The following PCLO variants were observed in gnomAD, a reference collection of about 807,000 sequenced individuals.
PCLO encodes the protein piccolo presynaptic cytomatrix protein, also known as protein piccolo.
In PCLO, 82 loss-of-function variants were observed where a neutral mutation model predicts 427.5. The ratio of observed to expected loss-of-function variants is 0.19; its 90% CI spans 0.16 to 0.23. PCLO has a LOEUF of 0.23. Among genes scored for constraint, PCLO ranks in the 10% least tolerant of loss-of-function variants. PCLO has a pLI of 1.00. For missense variants in PCLO, 6,239 were observed against 6,115.9 expected (o/e 1.02, Z -0.67); for synonymous variants, 2,357 against 2,155.4 (o/e 1.09, Z -2.59).
intron 3 of PCLO, among the ~76,000 whole-genome samples, chr7:83,030,119 GAAAA>G (rs199609017): frequency 3.8e-5 from 4 of 104,590 alleles, no homozygotes; most frequent in African/African-American, 1.3e-4. Flanking sequence ...AATAATAAAA[GAAAA>G]AAAAAAAAAA....
chr7:83,091,953 AGAG>A (rs1443508670), intron 3 of PCLO, among the ~76,000 whole-genome samples: 1 of 152,182 alleles, frequency 6.6e-6, no homozygotes, highest in African/African-American at 2.4e-5. Context: ...AACCACTTGA[AGAG>A]GTATGGAAGT....
intron 8 of PCLO, among the ~76,000 whole-genome samples, chr7:82,905,804 G>A (rs1794175551): frequency 1.3e-5 from 2 of 152,012 alleles, no homozygotes; most frequent in Non-Finnish European, 2.9e-5. Flanking sequence ...AGGAATTGCA[G>A]ATGATGTGAG....
intron 3 of PCLO, among the ~76,000 whole-genome samples, chr7:83,049,242 A>G (rs1378034855): frequency 6.6e-6 from 1 of 152,152 alleles, no homozygotes; most frequent in Non-Finnish European, 1.5e-5. Flanking sequence ...AATATATGAA[A>G]AATAAATCCA....
rs1788165082 is a variant in PCLO at position 83,050,733 on chromosome 7, T to A, written c.3300+83517A>T. The stretch of plus-strand genomic sequence containing the variant: ...CTGGCCAACAGGGTAAAAAACCCTA[T>A]CTCTACTAAAAATTAAAAAAAAAAA... On this transcript the variant is annotated intron_variant, in intron 3 of 24. Coordinates refer to ENST00000333891, the MANE Select transcript of PCLO (RefSeq NM_033026.6). Among the ~76,000 whole-genome samples the A allele has an allele frequency of 5.1e-5, 7 of 138,050 alleles. No homozygotes were observed. In the South Asian group the frequency reaches 1.7e-3, roughly 34 times the overall value. The allele number at this position is 138,050 out of a possible 152,430, so 90.6% of individuals were successfully genotyped here. A position where few individuals can be genotyped will look rare whatever the true frequency, so the allele number is the denominator to read the frequency against.
At chr7:82,943,488 C>T (rs1231390413) in intron 6 of PCLO, among the ~76,000 whole-genome samples, 1 of 151,840 alleles carries the variant, frequency 6.6e-6, no homozygotes, top group African/African-American at 2.4e-5. Flanking sequence ...ACTAAGAAAA[C>T]TCTTATACTT....
Position 82,954,304 on chromosome 7 carries a change from T to A in PCLO, c.6649A>T (p.Ile2217Leu), listed in dbSNP as rs757836198. ...TCCTCAGAATCTTCAAATTTAGTTATCATGTCCACTGGCTCTGTATAAACT... is the reference window on the plus strand; with the variant it reads ...TCCTCAGAATCTTCAAATTTAGTTAACATGTCCACTGGCTCTGTATAAACT... ...TTVYTEPVDM[I>L]TKFEDSEEIS... The change falls in exon 5 of 25, where the codon ATA (isoleucine) becomes TTA (leucine). Residue 2217 changes from isoleucine (I) to leucine (L), a missense_variant. Ile to Leu is a conservative substitution (Grantham distance 5). This residue lies in a region of PCLO where 4,677 missense variants were observed against 4,468.4 expected (regional missense o/e 1.05). Coordinates refer to ENST00000333891, the MANE Select transcript of PCLO (RefSeq NM_033026.6). 8 of 1,613,438 alleles carry A rather than the reference T, an allele frequency of 5.0e-6. No homozygotes were observed. In the Admixed American group the frequency reaches 1.0e-4, roughly 20 times the overall value.
chr7:82,881,961 A>G lies in PCLO; in HGVS notation c.13529-2499T>C, dbSNP rs575767780. ...GCCCAGCTGCTATTGTTTCTCATGTAGACAATTAAGTTGCATAAGAAGATC... is the reference window on the plus strand; with the variant it reads ...GCCCAGCTGCTATTGTTTCTCATGTGGACAATTAAGTTGCATAAGAAGATC... On this transcript the variant is annotated intron_variant, in intron 9 of 24. Coordinates refer to ENST00000333891, the MANE Select transcript of PCLO (RefSeq NM_033026.6). Among the ~76,000 whole-genome samples, 5 of 152,262 alleles carry G rather than the reference A, an allele frequency of 3.3e-5. No homozygotes were observed. In the South Asian group the frequency reaches 1.0e-3, roughly 32 times the overall value.
chr7:82,755,430 G>C lies in PCLO; in HGVS notation c.*3145C>G, dbSNP rs1583937983. On this transcript the variant is annotated 3_prime_UTR_variant, in exon 25 of 25. Transcript: ENST00000333891. ...CGTGCTACTAGGGTTATTTGTGTCT[G>C]TAATGACTATTCTATATTCCCTGTC... The C allele has an allele frequency of 6.6e-6, 1 of 152,048 alleles. No individual in the cohort carries two copies. The highest frequency in any genetic ancestry group is 1.9e-4 in the East Asian group (1 of 5,186). 9.4% of individuals were successfully genotyped at this position (152,048 alleles called of 1,614,324 possible).
At position 83,156,234 on chromosome 7, in the gene PCLO, T is replaced by G. The variant is rs1401154863; in HGVS notation, c.407A>C (p.Lys136Thr). The part of the protein sequence containing the change: ...PGRSPSTISL[K>T]ESKSRTDLKE... ...TAAATCAGTTCTGGACTTTGATTCT[T>G]TCAAGCTAATAGTGGAAGGACTCCT... Residue 136 changes from lysine (K) to threonine (T), a missense_variant, in exon 2 of 25, where the codon AAA becomes ACA. Transcript: ENST00000333891. 1 of 1,613,904 alleles carries G rather than the reference T, an allele frequency of 6.2e-7. No homozygotes were observed. Among genetic ancestry groups the G allele is most frequent in the East Asian group, 2.2e-5 (1 of 44,870 alleles).
intron 2 of PCLO, among the ~76,000 whole-genome samples, chr7:83,141,579 C>T (rs2116638598): frequency 6.6e-6 from 1 of 152,296 alleles, no homozygotes; most frequent in Admixed American, 6.5e-5. Flanking sequence ...CATTCTGAGG[C>T]CACTGTGTAT....
intron 3 of PCLO, among the ~76,000 whole-genome samples, chr7:83,055,102 A>C (rs1789347197): frequency 6.6e-6 from 1 of 152,118 alleles, no homozygotes; most frequent in African/African-American, 2.4e-5. Context: ...TCACTACAGG[A>C]AACAGCACGT....
chr7:83,013,872 T>C (rs1480405950), intron 3 of PCLO, among the ~76,000 whole-genome samples: 1 of 152,198 alleles, frequency 6.6e-6, no homozygotes, highest in African/African-American at 2.4e-5. Flanking sequence ...ATTCATATTA[T>C]GTGAAGTATT....
chr7:82,946,523 T>C (rs1226621175), intron 6 of PCLO, among the ~76,000 whole-genome samples: 1 of 152,124 alleles, frequency 6.6e-6, no homozygotes, highest in Non-Finnish European at 1.5e-5. Context: ...TTAAGAAAAG[T>C]CTCTCTGTGG....
intron 2 of PCLO, among the ~76,000 whole-genome samples, chr7:83,150,095 T>C (rs1241350486): frequency 6.6e-6 from 1 of 152,258 alleles, no homozygotes. Flanking sequence ...TCATTTATTA[T>C]GAAATTTAAT....
chr7:82,946,864 T>G (rs1441130663), intron 6 of PCLO, among the ~76,000 whole-genome samples: 1 of 152,192 alleles, frequency 6.6e-6, no homozygotes. Flanking sequence ...TTTAGAGAAC[T>G]GATGGCAGTA....
Position 82,761,491 on chromosome 7 carries a change from T to C in PCLO, c.15010A>G (p.Lys5004Glu), listed in dbSNP as rs747995859. Residue 5004 changes from lysine (K) to glutamate (E), a missense_variant and splice_region_variant, in exon 23 of 25, where the codon AAA (lysine) becomes GAA (glutamate). Transcript: ENST00000333891. Reference protein sequence around the residue: ...VGVGLADTEAKTQVMGEIKIA... With the variant: ...VGVGLADTEAETQVMGEIKIA... ...TTGATTTCTCCCATTACCTGAGTTT[T>C]AGCTGGGAGAATTTAATAAAAATGC... 1 of 1,593,850 alleles carries C rather than the reference T, an allele frequency of 6.3e-7. No homozygotes were observed. Among genetic ancestry groups the C allele is most frequent in the African/African-American group, 1.3e-5 (1 of 74,644 alleles).
chr7:82,976,022 A>G (rs546846510), intron 3 of PCLO, among the ~76,000 whole-genome samples: 3 of 152,194 alleles, frequency 2.0e-5, no homozygotes, highest in African/African-American at 2.4e-5. Context: ...AGCAGTGTGA[A>G]ACTGTCTAAT....
At chr7:83,070,012 A>C (rs1789771878) in intron 3 of PCLO, among the ~76,000 whole-genome samples, 1 of 152,062 alleles carries the variant, frequency 6.6e-6, no homozygotes. Flanking sequence ...CTCACTTCTA[A>C]GAATTGGTTA....
Position 83,134,407 on chromosome 7 carries a change from T to C in PCLO, c.3143A>G (p.Lys1048Arg), listed in dbSNP as rs766280313. ...TTCTGGTTTGGGCGATTTCTCCAGT[T>C]TTGTGGGAAGGACAGCCTTTTGAGG... is the stretch of plus-strand genomic sequence containing the variant. The part of the protein sequence containing the change: ...AEPQKAVLPT[K>R]LEKSPKPEST... Residue 1048 changes from lysine to arginine, a missense_variant, in exon 3 of 25, where the codon AAA becomes AGA. Around this residue, in one of 5 missense-constraint regions of PCLO, gnomAD observed 4,677 missense variants for 4,468.4 expected, o/e 1.05. Coordinates refer to ENST00000333891, the MANE Select transcript of PCLO (RefSeq NM_033026.6). The C allele has an allele frequency of 5.6e-6, 9 of 1,613,644 alleles. No homozygotes were observed. The African/African-American group carries it at 1.1e-4, about 19-fold the overall frequency.
Sources: gnomAD v4.1 joint callset for allele counts (sites outside exome capture counted in the v4.1 genomes callset) on GRCh38, gnomAD v4.1.1 for gene constraint, gnomAD v4.1.1 regional missense constraint, MANE v1.5 for transcripts, NCBI Gene and HGNC (gene_info 2026-07-23, HGNC 2026-07-21) for gene names.